The following SMYD3 variants were observed in gnomAD, a reference collection of about 807,000 sequenced individuals.
SMYD3 encodes the protein SET and MYND domain containing 3.
In SMYD3, 36 loss-of-function variants were observed where a neutral mutation model predicts 57.7. That is an observed-to-expected ratio of 0.62 (90% CI 0.48 to 0.82). SMYD3 has a LOEUF of 0.82. Ranked by LOEUF, SMYD3 falls within the 40% of genes least tolerant of loss-of-function variation. SMYD3 has a pLI of 0.00. For missense variants in SMYD3, 515 were observed against 538.8 expected (o/e 0.96, Z 0.44); for synonymous variants, 211 against 195.0 (o/e 1.08, Z -0.68).
At chr1:246,373,416 CAT>C (rs1378245051) in intron 1 of SMYD3, among the ~76,000 whole-genome samples, 1 of 152,108 alleles carries the variant, frequency 6.6e-6, no homozygotes, top group Non-Finnish European at 1.5e-5. Flanking sequence ...TTTATTCAAA[CAT>C]AATTTAAATT....
chr1:245,753,236 T>G (rs2045467204), intron 11 of SMYD3, among the ~76,000 whole-genome samples: 1 of 144,066 alleles, frequency 6.9e-6, no homozygotes, highest in African/African-American at 2.6e-5. Context: ...GGCAGAGAAC[T>G]AATCTGAAGC....
At chr1:245,838,618 C>T (rs946501302) in intron 10 of SMYD3, among the ~76,000 whole-genome samples, 1 of 152,154 alleles carries the variant, frequency 6.6e-6, no homozygotes, top group Non-Finnish European at 1.5e-5. Flanking sequence ...GCCAAGTTGA[C>T]AAATGCAGAA....
intron 5 of SMYD3, among the ~76,000 whole-genome samples, chr1:246,029,299 C>T (rs1230312377): frequency 2.0e-5 from 3 of 152,130 alleles, no homozygotes; most frequent in Non-Finnish European, 4.4e-5. Flanking sequence ...TTGCAAATTA[C>T]ATGTTCAGCA....
intron 5 of SMYD3, among the ~76,000 whole-genome samples, chr1:246,072,170 T>A (rs1274748672): frequency 9.4e-5 from 12 of 127,240 alleles, no homozygotes; most frequent in Admixed American, 1.5e-4. Flanking sequence ...CTCACTGTCT[T>A]TGCATCCTGT....
intron 5 of SMYD3, among the ~76,000 whole-genome samples, chr1:246,194,947 C>T (rs1421495954): frequency 1.3e-5 from 2 of 152,186 alleles, no homozygotes; most frequent in Non-Finnish European, 1.5e-5. Context: ...AATCCATATA[C>T]GTGTGTTCTC....
chr1:246,173,652 G>T (rs2062382432), intron 5 of SMYD3, among the ~76,000 whole-genome samples: 1 of 152,020 alleles, frequency 6.6e-6, no homozygotes, highest in Admixed American at 6.6e-5. Flanking sequence ...ACAGGGTCGG[G>T]GTCATGAATA....
At chr1:246,345,753 T>C (rs577244144) in intron 2 of SMYD3, among the ~76,000 whole-genome samples, 1 of 152,164 alleles carries the variant, frequency 6.6e-6, no homozygotes, top group Admixed American at 6.5e-5. Context: ...GAGCATGCCT[T>C]TGATAGGCAA....
chr1:246,151,234 A>G (rs1190915490), intron 5 of SMYD3, among the ~76,000 whole-genome samples: 4 of 149,270 alleles, frequency 2.7e-5, no homozygotes, highest in Non-Finnish European at 5.9e-5. Flanking sequence ...TAACAGAGTA[A>G]GACTCTGTCT....
intron 5 of SMYD3, among the ~76,000 whole-genome samples, chr1:245,979,859 C>A (rs1444047026): frequency 1.3e-5 from 2 of 152,206 alleles, no homozygotes; most frequent in Admixed American, 6.5e-5. Flanking sequence ...CTGTCAAAAA[C>A]AAAAATGCAG....
chr1:246,172,070 T>C (rs181690564), intron 5 of SMYD3, among the ~76,000 whole-genome samples: 1 of 152,306 alleles, frequency 6.6e-6, no homozygotes, highest in East Asian at 1.9e-4. Flanking sequence ...GCACTGACCA[T>C]GAATGGAGCT....
intron 10 of SMYD3, among the ~76,000 whole-genome samples, chr1:245,772,538 C>G (rs1218650895): frequency 6.6e-6 from 1 of 152,106 alleles, no homozygotes; most frequent in Admixed American, 6.5e-5. Context: ...TGTTGCACAG[C>G]TGTGGTCCCA....
chr1:245,904,881 G>A (rs546161870), intron 8 of SMYD3, among the ~76,000 whole-genome samples: 6 of 151,550 alleles, frequency 4.0e-5, no homozygotes, highest in Non-Finnish European at 7.4e-5. Flanking sequence ...GGAGGACTTT[G>A]TCCTGCATCT....
chr1:246,015,298 C>G (rs2059358855), intron 5 of SMYD3, among the ~76,000 whole-genome samples: 1 of 152,168 alleles, frequency 6.6e-6, no homozygotes, highest in South Asian at 2.1e-4. Context: ...GGCCACTCCA[C>G]TAGCCACAGT....
chr1:245,924,065 G>A (rs143510777), intron 7 of SMYD3, among the ~76,000 whole-genome samples: 1 of 152,212 alleles, frequency 6.6e-6, no homozygotes, highest in Non-Finnish European at 1.5e-5. Flanking sequence ...TATGGCGCCA[G>A]AGAATGCTGG....
chr1:245,900,979 T>C (rs905462607), intron 8 of SMYD3, among the ~76,000 whole-genome samples: 2 of 152,236 alleles, frequency 1.3e-5, no homozygotes, highest in African/African-American at 4.8e-5. Context: ...TATTAGAATA[T>C]TCAACTTTTC....
At chr1:245,805,716 G>A (rs537628464) in intron 10 of SMYD3, among the ~76,000 whole-genome samples, 1 of 152,146 alleles carries the variant, frequency 6.6e-6, no homozygotes, top group South Asian at 2.1e-4. Flanking sequence ...CCCGTCTGTG[G>A]CTCCAGGCAA....
intron 8 of SMYD3, among the ~76,000 whole-genome samples, chr1:245,865,142 G>C (rs1351896256): frequency 1.3e-5 from 2 of 152,138 alleles, no homozygotes; most frequent in Admixed American, 6.5e-5. Context: ...GATATTTACT[G>C]ATATTGATAT....
chr1:246,313,434 G>A (rs865978206), intron 5 of SMYD3, among the ~76,000 whole-genome samples: 4 of 152,214 alleles, frequency 2.6e-5, no homozygotes, highest in Non-Finnish European at 4.4e-5. Flanking sequence ...TGTATTGGCT[G>A]AAGAAAATGC....
intron 5 of SMYD3, among the ~76,000 whole-genome samples, chr1:245,995,849 G>A (rs1188252670): frequency 5.3e-5 from 8 of 152,202 alleles, no homozygotes; most frequent in Admixed American, 5.2e-4. Context: ...ACATGCACAG[G>A]GGGCAGGCCA....
Sources: allele counts gnomAD v4.1 joint callset (sites outside exome capture counted in the v4.1 genomes callset), GRCh38; gene constraint gnomAD v4.1.1; transcripts MANE v1.5; gene names NCBI Gene and HGNC (gene_info 2026-07-23, HGNC 2026-07-21).